CACNA2D3: variants seen among roughly 807,000 people sequenced by gnomAD.
The protein encoded by CACNA2D3 is calcium voltage-gated channel auxiliary subunit alpha2delta 3, also known as voltage-dependent calcium channel subunit alpha-2/delta-3.
CACNA2D3 carries 60 observed loss-of-function variants against 160.6 expected under a neutral mutation model. The observed-to-expected ratio is 0.37, with a 90% CI of 0.30 to 0.46. CACNA2D3 has a LOEUF of 0.46. CACNA2D3 is among the 20% of genes least tolerant of loss of function. The pLI is 1.00. For missense variants in CACNA2D3, 1,205 were observed against 1,365.0 expected (o/e 0.88, Z 1.85); for synonymous variants, 558 against 492.9 (o/e 1.13, Z -1.75).
chr3:54,518,376 G>A (rs2106980941), intron 5 of CACNA2D3, among the ~76,000 whole-genome samples: 1 of 152,188 alleles, frequency 6.6e-6, no homozygotes, highest in East Asian at 1.9e-4. Flanking sequence ...TGAGGAAGTG[G>A]GAGAGAGAGA....
At chr3:54,999,259 C>G (rs1702927393) in intron 31 of CACNA2D3, among the ~76,000 whole-genome samples, 1 of 152,138 alleles carries the variant, frequency 6.6e-6, no homozygotes, top group South Asian at 2.1e-4. Flanking sequence ...GCACTCCTAT[C>G]AACAGGTTGA....
intron 11 of CACNA2D3, among the ~76,000 whole-genome samples, chr3:54,651,154 T>C (rs1699756581): frequency 6.6e-6 from 1 of 152,260 alleles, no homozygotes; most frequent in South Asian, 2.1e-4. Context: ...GTCCACACTC[T>C]ATACATTGTC....
chr3:54,968,410 G>A (rs1416992997), intron 27 of CACNA2D3, 40 bp from the exon 28 acceptor site: 2 of 1,309,186 alleles, frequency 1.5e-6, no homozygotes. Context: ...ATTGTGTAAA[G>A]GGATCACTAA....
At chr3:54,338,959 G>C (rs1015480477) in intron 3 of CACNA2D3, among the ~76,000 whole-genome samples, 2 of 152,170 alleles carry the variant, frequency 1.3e-5, no homozygotes, top group African/African-American at 4.8e-5. Flanking sequence ...CAGTAGCCAG[G>C]TTATTTTCTC....
intron 11 of CACNA2D3, among the ~76,000 whole-genome samples, chr3:54,676,945 T>C (rs1429350242): frequency 6.6e-6 from 1 of 152,164 alleles, no homozygotes; most frequent in Non-Finnish European, 1.5e-5. Flanking sequence ...AATGCATTAG[T>C]TCTGGTTCAG....
At chr3:54,831,924 T>C (rs1037410686) in intron 14 of CACNA2D3, among the ~76,000 whole-genome samples, 1 of 152,012 alleles carries the variant, frequency 6.6e-6, no homozygotes, top group Admixed American at 6.6e-5. Flanking sequence ...GGAATTGATC[T>C]TGGGAATGAA....
intron 35 of CACNA2D3, among the ~76,000 whole-genome samples, chr3:55,044,381 A>G (rs1434373961): frequency 6.6e-6 from 1 of 152,068 alleles, no homozygotes; most frequent in Non-Finnish European, 1.5e-5. Flanking sequence ...ATACTTTTTC[A>G]TTTCAATTAC....
At chr3:54,986,386 T>C (rs1702613778) in intron 30 of CACNA2D3, among the ~76,000 whole-genome samples, 1 of 152,154 alleles carries the variant, frequency 6.6e-6, no homozygotes, top group South Asian at 2.1e-4. Context: ...GGATAATTCT[T>C]CATCTAACAA....
chr3:54,605,485 C>T (rs948505131), intron 9 of CACNA2D3, among the ~76,000 whole-genome samples: 18 of 152,182 alleles, frequency 1.2e-4, no homozygotes, highest in African/African-American at 3.6e-4. Context: ...GGACTTGCCT[C>T]GAATGCTACC....
chr3:54,900,201 A>G (rs80127917), intron 27 of CACNA2D3, among the ~76,000 whole-genome samples: 17,271 of 152,212 alleles, frequency 0.11, 1,103 homozygotes, highest in African/African-American at 0.15. Flanking sequence ...CTTCTGTGTC[A>G]TTAGGATGAC....
At chr3:54,809,121 G>T (rs1703214405) in intron 13 of CACNA2D3, among the ~76,000 whole-genome samples, 1 of 151,948 alleles carries the variant, frequency 6.6e-6, no homozygotes, top group African/African-American at 2.4e-5. Flanking sequence ...CTAAGTGGTA[G>T]AGGTAGTATT....
At chr3:54,960,362 A>G (rs748304458) in intron 27 of CACNA2D3, among the ~76,000 whole-genome samples, 1 of 152,216 alleles carries the variant, frequency 6.6e-6, no homozygotes. Flanking sequence ...ACCACAGGGA[A>G]TACTTCAGAA....
chr3:54,761,960 A>G (rs1387076244), intron 12 of CACNA2D3, among the ~76,000 whole-genome samples: 1 of 152,146 alleles, frequency 6.6e-6, no homozygotes, highest in Non-Finnish European at 1.5e-5. Context: ...AGTCACTAAG[A>G]GATTCTATAA....
chr3:54,606,597 G>A (rs375532473), intron 9 of CACNA2D3, among the ~76,000 whole-genome samples: 3 of 152,116 alleles, frequency 2.0e-5, no homozygotes, highest in Non-Finnish European at 4.4e-5. Flanking sequence ...GCCATTTGCC[G>A]AGATGAGGAA....
At chr3:54,263,539 G>A (rs2107442021) in intron 2 of CACNA2D3, among the ~76,000 whole-genome samples, 1 of 152,290 alleles carries the variant, frequency 6.6e-6, no homozygotes, top group East Asian at 1.9e-4. Context: ...TGCATTGCCA[G>A]AGCCCAAGAT....
At chr3:55,071,912 G>T (rs531901749) in intron 35 of CACNA2D3, among the ~76,000 whole-genome samples, 5 of 152,132 alleles carry the variant, frequency 3.3e-5, no homozygotes, top group Admixed American at 1.3e-4. Flanking sequence ...TTAACCTGCC[G>T]CCTCAAAGGT....
chr3:55,012,858 G>C (rs3773567), intron 34 of CACNA2D3, among the ~76,000 whole-genome samples: 106,611 of 151,996 alleles, frequency 0.7, 37,802 homozygotes, highest in African/African-American at 0.72. Context: ...GGTATGGTCT[G>C]TGCACCCATG....
intron 9 of CACNA2D3, among the ~76,000 whole-genome samples, chr3:54,584,588 G>A (rs1380832640): frequency 6.6e-6 from 1 of 152,166 alleles, no homozygotes; most frequent in Non-Finnish European, 1.5e-5. Context: ...TAGGAGAGGA[G>A]AGAGAGAATG....
intron 34 of CACNA2D3, among the ~76,000 whole-genome samples, chr3:55,011,687 T>A (rs1016133050): frequency 6.6e-6 from 1 of 151,982 alleles, no homozygotes; most frequent in African/African-American, 2.4e-5. Context: ...GGGTCAGTAG[T>A]TGGTATGGGA....
Sources: gnomAD v4.1 joint callset for allele counts (sites outside exome capture counted in the v4.1 genomes callset) on GRCh38, gnomAD v4.1.1 for gene constraint, MANE v1.5 for transcripts, NCBI Gene and HGNC (gene_info 2026-07-23, HGNC 2026-07-21) for gene names.